Variants in C6orf89 observed in about 807,000 individuals in gnomAD.
C6orf89 encodes chromosome 6 open reading frame 89.
In C6orf89, 29 loss-of-function variants were observed where a neutral mutation model predicts 40.7. The ratio of observed to expected loss-of-function variants is 0.71; its 90% CI spans 0.53 to 0.97. The LOEUF is 0.97. Ranked by LOEUF, C6orf89 falls within the 50% of genes least tolerant of loss-of-function variation. The pLI is 0.00. For synonymous variants in C6orf89, 165 were observed against 152.2 expected, an observed-to-expected ratio of 1.08 and a Z score of -0.62; for missense variants, 392 against 429.1, an observed-to-expected ratio of 0.91 and a Z score of 0.76.
rs955905843 is a variant in C6orf89, at chr6:36,926,070, G to C, written c.*2629G>C. On this transcript the variant is annotated 3_prime_UTR_variant, in exon 9 of 9. Coordinates refer to ENST00000480824, the MANE Select transcript of C6orf89 (RefSeq NM_001286635.2). ...ACTACAGAGATGCGTATGCCCAGAA[G>C]TCAGCTCTCTGAGGAGACAGGCTAC... 2.0e-5 allele frequency: 3 copies of C among 152,254 alleles called. No homozygotes were observed. Among genetic ancestry groups the C allele is most frequent in the African/African-American group, 7.2e-5 (3 of 41,454 alleles). The allele number at this position is 152,254 out of a possible 1,614,324, so 9.4% of individuals were successfully genotyped here. A position where few individuals can be genotyped will look rare whatever the true frequency, so the allele number is the denominator to read the frequency against.
At chr6:36,897,129 C>CAAAA (rs34191608) in intron 2 of C6orf89, among the ~76,000 whole-genome samples, 257 of 84,806 alleles carry the variant, frequency 3.0e-3, no homozygotes, top group East Asian at 4.0e-3. Context: ...GACTCTGTCT[C>CAAAA]AAAAAAAAAA....
chr6:36,909,528 A>G (rs571588316), intron 4 of C6orf89, among the ~76,000 whole-genome samples: 1 of 152,250 alleles, frequency 6.6e-6, no homozygotes, highest in East Asian at 1.9e-4. Context: ...TATATTTATA[A>G]TACTTTTCTG....
upstream of C6orf89, among the ~76,000 whole-genome samples, chr6:36,885,197 T>C (rs1646089769): frequency 6.6e-6 from 1 of 152,208 alleles, no homozygotes; most frequent in African/African-American, 2.4e-5. Flanking sequence ...CCTGTAACAA[T>C]AACTGAGTGG....
intron 1 of C6orf89, chr6:36,878,903 C>T (rs1774730437): frequency 6.6e-6 from 1 of 152,180 alleles, no homozygotes; most frequent in Admixed American, 6.5e-5. Context: ...CCCCTGGAGT[C>T]TCTGTGAATC....
chr6:36,923,655 C>G lies in C6orf89; in HGVS notation c.*214C>G. The G allele has an allele frequency of 1.7e-6, 1 of 584,150 alleles. No individual in the cohort carries two copies. The highest frequency in any genetic ancestry group is 1.7e-5 in the South Asian group (1 of 57,260). 36.2% of individuals were successfully genotyped at this position (584,150 alleles called of 1,614,324 possible). A position where few individuals can be genotyped will look rare whatever the true frequency, so the allele number is the denominator to read the frequency against. On this transcript the variant is annotated 3_prime_UTR_variant, in exon 9 of 9. Coordinates refer to ENST00000480824, the MANE Select transcript of C6orf89 (RefSeq NM_001286635.2). ...GCAGGTGGCTCAGGAAGGATTCAGCCTGGCCACTTGGCTAGGACTCTGCCA... is the reference window on the plus strand; with the variant it reads ...GCAGGTGGCTCAGGAAGGATTCAGCGTGGCCACTTGGCTAGGACTCTGCCA...
intron 1 of C6orf89, among the ~76,000 whole-genome samples, chr6:36,872,607 G>A (rs1774537567): frequency 6.6e-6 from 1 of 151,038 alleles, no homozygotes; most frequent in Admixed American, 6.6e-5. Flanking sequence ...CTCCAAGGAT[G>A]TGACAATTTT....
chr6:36,901,318 A>ATTTTTTTTTTTTTTTTT (rs1408790414), intron 3 of C6orf89, among the ~76,000 whole-genome samples: 15 of 65,114 alleles, frequency 2.3e-4, no homozygotes, highest in East Asian at 3.7e-4. Context: ...TATTATTATT[A>ATTTTTTTTTTTTTTTTT]TTATTTTTTT....
At position 36,925,275 on chromosome 6, in the gene C6orf89, G is replaced by C. The variant is rs1228150526; in HGVS notation, c.*1834G>C. The C allele has an allele frequency of 6.6e-6, 1 of 152,196 alleles. No homozygotes were observed. The highest frequency in any genetic ancestry group is 1.5e-5 in the Non-Finnish European group (1 of 68,036). The allele number at this position is 152,196 out of a possible 1,614,324, so 9.4% of individuals were successfully genotyped here. A position where few individuals can be genotyped will look rare whatever the true frequency, so the allele number is the denominator to read the frequency against. On this transcript the variant is annotated 3_prime_UTR_variant, in exon 9 of 9. Coordinates refer to ENST00000480824, the MANE Select transcript of C6orf89 (RefSeq NM_001286635.2). Reference sequence around the variant, plus strand: ...GGGCTATGTGTAAACAAGTGCTTTAGAGGCCTCTGAGAGTTTTTAAAAATC... The same window carrying C: ...GGGCTATGTGTAAACAAGTGCTTTACAGGCCTCTGAGAGTTTTTAAAAATC...
In C6orf89 at chr6:36,873,700, G is replaced by A. The variant is rs140813486; in HGVS notation, c.-628+1733G>A. On this transcript the variant is annotated intron_variant, in intron 1 of 9. Coordinates refer to the C6orf89 transcript ENST00000359359. ...CATATAAGGTGGGGAAGATGGCCAG[G>A]GAGCATGAAATGAACAGCATGAGCA... Among the ~76,000 whole-genome samples the A allele has an allele frequency of 3.6e-3, 547 of 152,256 alleles. 2 individuals are homozygous for A. The highest frequency in any genetic ancestry group is 0.012 in the African/African-American group (510 of 41,546).
intron 4 of C6orf89, among the ~76,000 whole-genome samples, chr6:36,908,459 A>C (rs1324003777): frequency 7.1e-6 from 1 of 140,718 alleles, no homozygotes; most frequent in Non-Finnish European, 1.6e-5. Context: ...GATATTTAAA[A>C]ATACTTATAA....
At chr6:36,877,132 A>G (rs1007750920) in intron 1 of C6orf89, among the ~76,000 whole-genome samples, 10 of 151,848 alleles carry the variant, frequency 6.6e-5, no homozygotes, top group African/African-American at 1.9e-4. Context: ...GCCATTTTTC[A>G]TTTTTCCTTG....
chr6:36,905,319 T>C (rs1292446776), intron 4 of C6orf89, among the ~76,000 whole-genome samples: 1 of 152,188 alleles, frequency 6.6e-6, no homozygotes. Flanking sequence ...GCCCTTCGCC[T>C]CTGATGTGAG....
rs549637039 is a variant in C6orf89, at chr6:36,888,424, G to A, written c.-120+2396G>A. Among the ~76,000 whole-genome samples, 6 of 152,272 alleles carry A rather than the reference G, an allele frequency of 3.9e-5. No homozygotes were observed. The South Asian group carries it at 1.2e-3, about 32-fold the overall frequency. ...AGGTGGGTGGATCACTTGAGGTCAG[G>A]AGTTCAAGACCAGCCTGGCCAACAT... On this transcript the variant is annotated intron_variant, in intron 1 of 8. Transcript: ENST00000480824.
chr6:36,878,876 G>A (rs917604927), intron 1 of C6orf89: 3 of 152,142 alleles, frequency 2.0e-5, no homozygotes, highest in African/African-American at 7.2e-5. Flanking sequence ...CTATAAATTT[G>A]TTCTGATCAC....
chr6:36,894,983 T>G (rs970505978), intron 2 of C6orf89, among the ~76,000 whole-genome samples: 1 of 152,188 alleles, frequency 6.6e-6, no homozygotes, highest in Non-Finnish European at 1.5e-5. Flanking sequence ...TCACTAGCAA[T>G]TGGCAAAGCT....
rs766481924 is a variant in C6orf89, at chr6:36,914,293, C to A, written c.413C>A (p.Pro138His). ...TCCCTTCCTCTCTCAGACTTTGACC[C>A]CTGGTGGACAAACGACTGTGAGCAG... The part of the protein sequence containing the change: ...DEDRPFPDFD[P>H]WWTNDCEQNE... The change falls in exon 5 of 9, where the codon CCC becomes CAC. Residue 138 changes from proline to histidine, a missense_variant. Coordinates refer to ENST00000480824, the MANE Select transcript of C6orf89 (RefSeq NM_001286635.2). 1.1e-5 allele frequency: 17 copies of A among 1,613,386 alleles called. No homozygotes were observed. Among genetic ancestry groups the A allele is most frequent in the Non-Finnish European group, 8.5e-7 (1 of 1,179,674 alleles).
chr6:36,880,599 G>A (rs538667864), intron 2 of C6orf89, among the ~76,000 whole-genome samples: 4 of 124,674 alleles, frequency 3.2e-5, no homozygotes, highest in Admixed American at 2.4e-4. Context: ...TATTGATAAA[G>A]ACATTTTGTC....
In C6orf89 at chr6:36,928,109, T is replaced by G. The variant is rs1762747102; in HGVS notation, c.*4668T>G. On this transcript the variant is annotated 3_prime_UTR_variant, in exon 9 of 9. Coordinates refer to ENST00000480824, the MANE Select transcript of C6orf89 (RefSeq NM_001286635.2). ...CCTGGAGACTGCGAAATGTCCAGAC[T>G]TTTTCAGACTAGTGGAGGGAAGGAA... is the stretch of plus-strand genomic sequence containing the variant. 6.6e-6 allele frequency: 1 copy of G among 152,220 alleles called. No homozygotes were observed. Among genetic ancestry groups the G allele is most frequent in the African/African-American group, 2.4e-5 (1 of 41,422 alleles). The allele number at this position is 152,220 out of a possible 1,614,324, so 9.4% of individuals were successfully genotyped here. A position where few individuals can be genotyped will look rare whatever the true frequency, so the allele number is the denominator to read the frequency against.
chr6:36,899,477 T>C lies in C6orf89; in HGVS notation c.33T>C (p.Tyr11=), dbSNP rs1408983031. MDLAANEISI[Y]DKLSETVDLV... ...TTGCTGCCAACGAGATCAGCATTTATGACAAACTTTCAGAGACTGTTGATT... is the reference window on the plus strand; with the variant it reads ...TTGCTGCCAACGAGATCAGCATTTACGACAAACTTTCAGAGACTGTTGATT... Residue 11 remains tyrosine, a synonymous_variant, in exon 3 of 9, where the codon TAT becomes TAC. Transcript: ENST00000480824. The C allele has an allele frequency of 1.2e-6, 2 of 1,614,190 alleles. No individual in the cohort carries two copies. Among genetic ancestry groups the C allele is most frequent in the South Asian group, 2.2e-5 (2 of 91,080 alleles).
Sources: gnomAD v4.1 joint callset for allele counts (sites outside exome capture counted in the v4.1 genomes callset) on GRCh38, gnomAD v4.1.1 for gene constraint, MANE v1.5 for transcripts, NCBI Gene and HGNC (gene_info 2026-07-23, HGNC 2026-07-21) for gene names.